Variants in TSPAN2 observed in about 807,000 individuals in gnomAD.
TSPAN2 encodes the protein tetraspanin 2.
In TSPAN2, 24 loss-of-function variants were observed where a neutral mutation model predicts 33.3. The observed-to-expected ratio is 0.72, with a 90% CI of 0.52 to 1.01. The LOEUF (loss-of-function observed/expected upper bound fraction) is 1.01, where lower values mean the gene tolerates loss of function less well. TSPAN2 is among the 50% of genes least tolerant of loss of function. The pLI is 0.00. For missense variants in TSPAN2, 278 were observed against 281.3 expected (o/e 0.99, Z 0.08); for synonymous variants, 114 against 104.5 (o/e 1.09, Z -0.56).
At chr1:115,072,273 C>A (rs1648210386) in intron 2 of TSPAN2, among the ~76,000 whole-genome samples, 1 of 152,090 alleles carries the variant, frequency 6.6e-6, no homozygotes, top group Non-Finnish European at 1.5e-5. Flanking sequence ...ATTGCCCCTT[C>A]CTGCTGGAAC....
At chr1:115,056,304 A>C (rs946366015) in intron 6 of TSPAN2, among the ~76,000 whole-genome samples, 4 of 152,180 alleles carry the variant, frequency 2.6e-5, no homozygotes, top group Non-Finnish European at 4.4e-5. Flanking sequence ...CCTTGGCTCA[A>C]ATCGAAACTT....
intron 5 of TSPAN2, 29 bp downstream of exon 5, chr1:115,058,854 G>A (rs1476769114): frequency 2.6e-6 from 4 of 1,521,664 alleles, no homozygotes; most frequent in African/African-American, 1.4e-5. Flanking sequence ...TAGAAGCTGT[G>A]ATTTTAAGGA....
Position 115,048,421 on chromosome 1 carries a change from T to C in TSPAN2, c.*2069A>G, listed in dbSNP as rs1323574404. 2 of 151,768 alleles carry C rather than the reference T, an allele frequency of 1.3e-5. No homozygotes were observed. Among genetic ancestry groups the C allele is most frequent in the Non-Finnish European group, 1.5e-5 (1 of 67,826 alleles). The allele number at this position is 151,768 out of a possible 1,614,324, so 9.4% of individuals were successfully genotyped here. Reference sequence around the variant, plus strand: ...TTCTCTAATTTTACTCATACGCATATTTTGGAAAGCTTATCTCCAAAAGGG... The same window carrying C: ...TTCTCTAATTTTACTCATACGCATACTTTGGAAAGCTTATCTCCAAAAGGG... On this transcript the variant is annotated 3_prime_UTR_variant, in exon 8 of 8. Transcript: ENST00000369516.
intron 1 of TSPAN2, among the ~76,000 whole-genome samples, chr1:115,076,130 G>A (rs1233569024): frequency 6.6e-6 from 1 of 152,206 alleles, no homozygotes; most frequent in Non-Finnish European, 1.5e-5. Flanking sequence ...TGGCATGCAG[G>A]AGGAATCATT....
At chr1:115,089,316 G>GCCCC in intron 1 of TSPAN2, 48 bp downstream of exon 1, 3 of 1,012,894 alleles carry the variant, frequency 3.0e-6, no homozygotes, top group Non-Finnish European at 4.3e-6. Context: ...CCCCGCGCCC[G>GCCCC]CCACCCGGCC....
At position 115,072,958 on chromosome 1, in the gene TSPAN2, C is replaced by G; in HGVS notation, c.119G>C (p.Gly40Ala). 6.2e-7 allele frequency: 1 copy of G among 1,614,206 alleles called. No individual in the cohort carries two copies. The highest frequency in any genetic ancestry group is 8.5e-7 in the Non-Finnish European group (1 of 1,180,032). The change falls in exon 2 of 8, where the codon GGT becomes GCT. Residue 40 changes from glycine (G) to alanine (A), a missense_variant. Gly to Ala is a moderately conservative substitution (Grantham distance 60). Coordinates refer to ENST00000369516, the MANE Select transcript of TSPAN2 (RefSeq NM_005725.6). ...CTCTGATGATAACTCCTTTATGGCA[C>G]CTCCGAACCGAAACCATAGTCCAAA... ...IAFGLWFRFG[G>A]AIKELSSEDK...
At chr1:115,070,077 A>T (rs1648105349) in intron 2 of TSPAN2, among the ~76,000 whole-genome samples, 1 of 152,066 alleles carries the variant, frequency 6.6e-6, no homozygotes, top group South Asian at 2.1e-4. Context: ...GCTCCCGGGG[A>T]GGTCTTCCAT....
chr1:115,078,570 A>G (rs1158402337), intron 1 of TSPAN2, among the ~76,000 whole-genome samples: 1 of 152,068 alleles, frequency 6.6e-6, no homozygotes, highest in Non-Finnish European at 1.5e-5. Context: ...AAGAAGAGAC[A>G]CCAGAGAGCT....
chr1:115,061,454 G>T (rs1375099161), intron 3 of TSPAN2, among the ~76,000 whole-genome samples: 1 of 152,138 alleles, frequency 6.6e-6, no homozygotes, highest in Non-Finnish European at 1.5e-5. Context: ...TTAAGTTATT[G>T]ATCTCAAACA....
At chr1:115,081,558 G>A (rs539304914) in intron 1 of TSPAN2, among the ~76,000 whole-genome samples, 10 of 152,252 alleles carry the variant, frequency 6.6e-5, no homozygotes, top group African/African-American at 2.4e-4. Context: ...ATAAAAATGG[G>A]GGTTCTACGC....
intron 6 of TSPAN2, among the ~76,000 whole-genome samples, chr1:115,056,035 T>C (rs1647406917): frequency 6.6e-6 from 1 of 152,168 alleles, no homozygotes; most frequent in Non-Finnish European, 1.5e-5. Context: ...ACATACTTAA[T>C]CCTCTAGTCT....
rs1262795045 is a variant in TSPAN2 at position 115,048,369 on chromosome 1, A to G, written c.*2121T>C. 6.6e-6 allele frequency: 1 copy of G among 151,118 alleles called. No individual in the cohort carries two copies. Among genetic ancestry groups the G allele is most frequent in the Non-Finnish European group, 1.5e-5 (1 of 67,676 alleles). The allele number at this position is 151,118 out of a possible 1,614,324, so 9.4% of individuals were successfully genotyped here. A position where few individuals can be genotyped will look rare whatever the true frequency, so the allele number is the denominator to read the frequency against. ...TGTATATATATCCACACACACATATAAAATCTATTGTTGCTTAGTGGTGGA... is the reference window on the plus strand; with the variant it reads ...TGTATATATATCCACACACACATATGAAATCTATTGTTGCTTAGTGGTGGA... On this transcript the variant is annotated 3_prime_UTR_variant, in exon 8 of 8. Coordinates refer to ENST00000369516, the MANE Select transcript of TSPAN2 (RefSeq NM_005725.6).
At chr1:115,052,449 C>T (rs1234936897) in intron 7 of TSPAN2, among the ~76,000 whole-genome samples, 1 of 152,204 alleles carries the variant, frequency 6.6e-6, no homozygotes, top group African/African-American at 2.4e-5. Context: ...CTTCCAAATC[C>T]AATCTTGCCT....
chr1:115,072,354 C>T (rs569428460), intron 2 of TSPAN2, among the ~76,000 whole-genome samples: 2 of 152,252 alleles, frequency 1.3e-5, no homozygotes, highest in East Asian at 3.9e-4. Flanking sequence ...CTCTCTCCTC[C>T]CCTCCACTCT....
intron 1 of TSPAN2, among the ~76,000 whole-genome samples, 193 bp from the exon 2 acceptor site, chr1:115,073,200 G>C (rs1303271061): frequency 6.6e-6 from 1 of 152,208 alleles, no homozygotes; most frequent in East Asian, 1.9e-4. Flanking sequence ...TCAGGCCCCT[G>C]ATGTGACATT....
At chr1:115,089,256 TC>T in intron 1 of TSPAN2, 107 bp downstream of exon 1, 1 of 945,658 alleles carries the variant, frequency 1.1e-6, no homozygotes. Context: ...CACCCAGCCC[TC>T]CCCACGAGCG....
chr1:115,083,101 A>G (rs1433060378), intron 1 of TSPAN2, among the ~76,000 whole-genome samples: 1 of 152,250 alleles, frequency 6.6e-6, no homozygotes, highest in Non-Finnish European at 1.5e-5. Flanking sequence ...ATGTGCTCCC[A>G]GCCCATCTGG....
chr1:115,067,019 G>T (rs1647977490), intron 2 of TSPAN2, among the ~76,000 whole-genome samples: 1 of 152,134 alleles, frequency 6.6e-6, no homozygotes, highest in South Asian at 2.1e-4. Flanking sequence ...TTTACTGAGG[G>T]CTCACCACAG....
chr1:115,079,068 A>G (rs1355442631), intron 1 of TSPAN2, among the ~76,000 whole-genome samples: 3 of 152,118 alleles, frequency 2.0e-5, no homozygotes, highest in East Asian at 1.9e-4. Flanking sequence ...AATCTACACA[A>G]TGTAAATCTA....
Sources: gnomAD v4.1 joint callset for allele counts (sites outside exome capture counted in the v4.1 genomes callset) on GRCh38, gnomAD v4.1.1 for gene constraint, MANE v1.5 for transcripts, NCBI Gene and HGNC (gene_info 2026-07-23, HGNC 2026-07-21) for gene names.